The following PCDH15 variants were observed in gnomAD, a reference collection of about 807,000 sequenced individuals.
PCDH15 encodes protocadherin-15.
PCDH15 carries 129 observed loss-of-function variants against 178.5 expected under a neutral mutation model. The observed-to-expected ratio is 0.72, with a 90% CI of 0.63 to 0.84. The LOEUF is 0.84. Among genes scored for constraint, PCDH15 ranks in the 40% least tolerant of loss-of-function variants. The pLI is 0.00. For missense variants in PCDH15, 2,230 were observed against 2,099.9 expected, an observed-to-expected ratio of 1.06 and a Z score of -1.21; for synonymous variants, 800 against 732.0, an observed-to-expected ratio of 1.09 and a Z score of -1.50.
At chr10:55,258,469 TTTTC>T (rs1396301530) in intron 1 of PCDH15, among the ~76,000 whole-genome samples, 1 of 152,126 alleles carries the variant, frequency 6.6e-6, no homozygotes, top group Non-Finnish European at 1.5e-5. Context: ...CCAAGTGTAC[TTTTC>T]TTTCTTTCTT....
chr10:54,168,047 T>C (rs2046450157), intron 13 of PCDH15, among the ~76,000 whole-genome samples: 2 of 151,874 alleles, frequency 1.3e-5, no homozygotes, highest in South Asian at 4.2e-4. Context: ...TTCTACTCCC[T>C]TGGCCTGTGT....
chr10:55,210,623 T>TC (rs1840540811), intron 1 of PCDH15, among the ~76,000 whole-genome samples: 1 of 86,442 alleles, frequency 1.2e-5, no homozygotes, highest in Non-Finnish European at 2.9e-5. Context: ...CTTTTCTTTT[T>TC]TTTTTTTTTT....
chr10:55,249,553 G>A (rs1261969013), intron 1 of PCDH15, among the ~76,000 whole-genome samples: 1 of 152,032 alleles, frequency 6.6e-6, no homozygotes, highest in African/African-American at 2.4e-5. Flanking sequence ...CAGTAAAAAA[G>A]GGAAAATAAA....
rs114854981 is a variant in PCDH15, at chr10:53,974,442, T to C, written c.2869-12550A>G. 2.2e-3 allele frequency among the ~76,000 whole-genome samples: 339 copies of C among 152,224 alleles called. 2 individuals carry two copies. The highest frequency in any genetic ancestry group is 7.6e-3 in the African/African-American group (317 of 41,560). On this transcript the variant is annotated intron_variant, in intron 21 of 37. Transcript: ENST00000644397. ...ATATACTTATTTATATAAGATATATTTGTAAGAGAAATTTAAAAATTGTCT... is the reference window on the plus strand; with the variant it reads ...ATATACTTATTTATATAAGATATATCTGTAAGAGAAATTTAAAAATTGTCT...
At chr10:54,859,693 G>A (rs1045570874) in intron 3 of PCDH15, among the ~76,000 whole-genome samples, 3 of 143,220 alleles carry the variant, frequency 2.1e-5, no homozygotes, top group Non-Finnish European at 3.0e-5. Context: ...TACAAAGAAA[G>A]GTTAAGTAAT....
In PCDH15 at chr10:55,345,877, T is replaced by C. The variant is rs114637436; in HGVS notation, c.-155-179226A>G. 5.6e-3 allele frequency among the ~76,000 whole-genome samples: 851 copies of C among 152,248 alleles called. 10 individuals are homozygous for C. Among genetic ancestry groups the C allele is most frequent in the African/African-American group, 0.02 (812 of 41,558 alleles). ...AGTTTTGTTATTAGTAACAGTAATA[T>C]GATAAATAGTTTATAATGGTGTTTG... On this transcript the variant is annotated intron_variant, in intron 2 of 5. Transcript: ENST00000613346.
intron 3 of PCDH15, among the ~76,000 whole-genome samples, chr10:54,382,697 G>T (rs115071586): frequency 0.019 from 2,878 of 152,128 alleles, 99 homozygotes; most frequent in African/African-American, 0.066. Context: ...ATTGAACTTG[G>T]AAGCAAATGC....
At chr10:54,184,193 C>T (rs565167869) in intron 12 of PCDH15, among the ~76,000 whole-genome samples, 1 of 152,246 alleles carries the variant, frequency 6.6e-6, no homozygotes, top group South Asian at 2.1e-4. Flanking sequence ...AGTGCTACAG[C>T]ACCACCATCT....
intron 2 of PCDH15, among the ~76,000 whole-genome samples, chr10:54,898,190 A>C (rs1954578722): frequency 6.6e-6 from 1 of 152,114 alleles, no homozygotes; most frequent in Non-Finnish European, 1.5e-5. Context: ...GAGCCAATTA[A>C]ACCTCTTTTC....
rs16937770 is a variant in PCDH15 at position 53,812,584 on chromosome 10, A to G, written c.4492-965T>C. On this transcript the variant is annotated intron_variant, in intron 35 of 37. Transcript: ENST00000644397. Reference sequence around the variant, plus strand: ...AGGTCCTTTTAATATTTCCAGTTCTAAACTCTAAACATACTGATTGATTTC... The same window carrying G: ...AGGTCCTTTTAATATTTCCAGTTCTGAACTCTAAACATACTGATTGATTTC... Among the ~76,000 whole-genome samples, 808 of 152,270 alleles carry G rather than the reference A, an allele frequency of 5.3e-3. 9 individuals are homozygous for G. The highest frequency in any genetic ancestry group is 0.018 in the African/African-American group (765 of 41,566).
At chr10:54,754,768 A>G (rs1460015278) in intron 1 of PCDH15, among the ~76,000 whole-genome samples, 2 of 152,152 alleles carry the variant, frequency 1.3e-5, no homozygotes, top group Admixed American at 6.5e-5. Flanking sequence ...GGACATAACC[A>G]ATTATAATGT....
chr10:54,392,320 G>C (rs1426563098), intron 3 of PCDH15, among the ~76,000 whole-genome samples: 4 of 150,954 alleles, frequency 2.6e-5, no homozygotes, highest in South Asian at 2.1e-4. Flanking sequence ...AAAAAAATTT[G>C]GTAGGCATGG....
chr10:55,512,227 T>A (rs900462774), intron 2 of PCDH15, among the ~76,000 whole-genome samples: 3 of 152,118 alleles, frequency 2.0e-5, no homozygotes, highest in African/African-American at 7.2e-5. Context: ...TTGAGAATAG[T>A]TAAACCCTGT....
At chr10:54,886,705 T>C (rs1954365866) in intron 3 of PCDH15, among the ~76,000 whole-genome samples, 1 of 152,184 alleles carries the variant, frequency 6.6e-6, no homozygotes, top group African/African-American at 2.4e-5. Context: ...GAGGTTGCAG[T>C]GAGTGGAGAA....
intron 3 of PCDH15, among the ~76,000 whole-genome samples, chr10:54,491,284 C>CA (rs769202987): frequency 4.8e-5 from 6 of 126,126 alleles, no homozygotes; most frequent in Non-Finnish European, 9.7e-5. Context: ...AATCCACTAA[C>CA]AAAGTATTAT....
chr10:54,231,250 T>C (rs116697634), intron 9 of PCDH15, among the ~76,000 whole-genome samples: 1,770 of 152,294 alleles, frequency 0.012, 42 homozygotes, highest in African/African-American at 0.04. Context: ...GCTCTAGCCA[T>C]GGCTACATGG....
At position 54,369,239 on chromosome 10, in the gene PCDH15, G is replaced by A. The variant is rs1947274911; in HGVS notation, c.355C>T (p.Gln119Ter). 6.2e-7 allele frequency: 1 copy of A among 1,612,634 alleles called. No individual in the cohort carries two copies. The highest frequency in any genetic ancestry group is 2.2e-5 in the East Asian group (1 of 44,824). Residue 119 changes from glutamine (Q) to a stop codon, truncating the protein, a stop_gained, in exon 5 of 38, where the codon CAG becomes TAG. Transcript: ENST00000644397. LOFTEE classifies it high-confidence loss of function. ...MNIHSIVVQV[Q>*]CINKKVGTII... ...GTGCCCACTTTTTTGTTGATGCACT[G>A]GACCTGCACCACAATGGAGTGTATG...
chr10:54,242,137 T>TATATATAC (rs2055407533), intron 8 of PCDH15, among the ~76,000 whole-genome samples: 1 of 6,332 alleles, frequency 1.6e-4, no homozygotes, highest in African/African-American at 9.8e-4. Flanking sequence ...TTTTTATATA[T>TATATATAC]ATATATATAT....
At chr10:54,583,008 T>G (rs2133817242) in intron 2 of PCDH15, among the ~76,000 whole-genome samples, 1 of 145,984 alleles carries the variant, frequency 6.9e-6, no homozygotes, top group African/African-American at 2.5e-5. Flanking sequence ...TATCTTAGAA[T>G]ATCTTGCATA....
Sources: gnomAD v4.1 joint callset for allele counts (sites outside exome capture counted in the v4.1 genomes callset) on GRCh38, gnomAD v4.1.1 for gene constraint, MANE v1.5 for transcripts, NCBI Gene and HGNC (gene_info 2026-07-23, HGNC 2026-07-21) for gene names.